SLIT2: variants seen among roughly 807,000 people sequenced by gnomAD.
The protein encoded by SLIT2 is slit homolog 2 protein.
SLIT2 carries 41 observed loss-of-function variants against 185.7 expected under a neutral mutation model. The observed-to-expected ratio is 0.22, with a 90% CI of 0.17 to 0.29. The LOEUF (loss-of-function observed/expected upper bound fraction) is 0.29, where lower values mean the gene tolerates loss of function less well. Ranked by LOEUF, SLIT2 falls within the 10% of genes least tolerant of loss-of-function variation. The pLI is 1.00. For synonymous variants in SLIT2, 693 were observed against 680.2 expected (o/e 1.02, Z -0.29); for missense variants, 1,571 against 1,909.0 (o/e 0.82, Z 3.30).
intron 33 of SLIT2, among the ~76,000 whole-genome samples, chr4:20,607,125 G>A (rs1728850225): frequency 6.6e-6 from 1 of 152,132 alleles, no homozygotes; most frequent in Admixed American, 6.6e-5. Context: ...CTGGCCCTTA[G>A]TATGTGATAT....
chr4:20,472,279 T>TAG (rs1715199611), intron 5 of SLIT2, among the ~76,000 whole-genome samples: 2 of 22,552 alleles, frequency 8.9e-5, no homozygotes, highest in African/African-American at 5.6e-4. Context: ...TATATATCTA[T>TAG]ATATATAGAT....
chr4:20,474,616 T>C (rs1031679070), intron 5 of SLIT2, among the ~76,000 whole-genome samples: 17 of 152,134 alleles, frequency 1.1e-4, no homozygotes, highest in African/African-American at 4.1e-4. Context: ...TGAATTGGCA[T>C]AATCATGCCA....
At chr4:20,501,286 A>AT (rs1718705848) in intron 9 of SLIT2, among the ~76,000 whole-genome samples, 3 of 151,734 alleles carry the variant, frequency 2.0e-5, no homozygotes, top group Non-Finnish European at 4.4e-5. Context: ...TCTCATGTTA[A>AT]TTTTTTTTGG....
intron 4 of SLIT2, among the ~76,000 whole-genome samples, chr4:20,445,168 G>A (rs1458520168): frequency 2.6e-5 from 4 of 152,050 alleles, no homozygotes; most frequent in Non-Finnish European, 5.9e-5. Context: ...ACCCAACCCT[G>A]TTATTAAATT....
chr4:20,470,819 A>G (rs188630170), intron 5 of SLIT2, among the ~76,000 whole-genome samples: 18 of 151,986 alleles, frequency 1.2e-4, no homozygotes, highest in African/African-American at 4.1e-4. Flanking sequence ...CAGATGATCC[A>G]CCCGCGTTGG....
At chr4:20,307,130 C>CCCTT (rs1363373393) in intron 4 of SLIT2, among the ~76,000 whole-genome samples, 1 of 61,894 alleles carries the variant, frequency 1.6e-5, no homozygotes, top group African/African-American at 7.2e-5. Flanking sequence ...TCCCTTCCCT[C>CCCTT]CCTTCCTCCC....
chr4:20,612,272 A>G (rs1481516937), intron 34 of SLIT2, among the ~76,000 whole-genome samples: 2 of 150,622 alleles, frequency 1.3e-5, no homozygotes, highest in Admixed American at 6.6e-5. Context: ...AGAATACAGG[A>G]TGAGACTGTT....
At chr4:20,472,317 T>TATATGG (rs1715254062) in intron 5 of SLIT2, among the ~76,000 whole-genome samples, 1 of 32,048 alleles carries the variant, frequency 3.1e-5, no homozygotes, top group Non-Finnish European at 4.8e-5. Context: ...TATATATAGA[T>TATATGG]ATATATATCT....
At chr4:20,334,238 C>T (rs540393681) in intron 4 of SLIT2, among the ~76,000 whole-genome samples, 40 of 152,184 alleles carry the variant, frequency 2.6e-4, no homozygotes, top group Middle Eastern at 3.4e-3. Flanking sequence ...GACTTTTGCA[C>T]CCCCAAGAAC....
rs139614856 is a variant in SLIT2 at position 20,408,136 on chromosome 4, G to A, written c.396-59616G>A. 4.0e-3 allele frequency among the ~76,000 whole-genome samples: 606 copies of A among 152,144 alleles called. 3 individuals are homozygous for A. Among genetic ancestry groups the A allele is most frequent in the African/African-American group, 0.013 (546 of 41,498 alleles). ...AGTGAGTTGTATGCTTAATATTAAC[G>A]GGTTTTACTCATTTGTTTAACAGAG... On this transcript the variant is annotated intron_variant, in intron 4 of 36. Transcript: ENST00000504154.
chr4:20,598,687 A>T (rs1728169752), intron 33 of SLIT2, among the ~76,000 whole-genome samples: 1 of 152,096 alleles, frequency 6.6e-6, no homozygotes, highest in African/African-American at 2.4e-5. Context: ...TGCCTGAAGG[A>T]TCAAGAGGAG....
At chr4:20,488,762 T>C in intron 7 of SLIT2, 57 bp from the exon 8 acceptor site, 1 of 1,285,942 alleles carries the variant, frequency 7.8e-7, no homozygotes, top group Non-Finnish European at 1.1e-6. Flanking sequence ...CAGGTATATA[T>C]TAATGAAATA....
At chr4:20,486,094 G>T in intron 6 of SLIT2, 106 bp from the exon 7 acceptor site, 1 of 695,590 alleles carries the variant, frequency 1.4e-6, no homozygotes. Context: ...CTACCAGGTA[G>T]CTGTCCTGCA....
intron 4 of SLIT2, among the ~76,000 whole-genome samples, chr4:20,443,764 A>C (rs1729949445): frequency 1.3e-5 from 2 of 152,084 alleles, no homozygotes; most frequent in African/African-American, 4.8e-5. Context: ...CTTGAAAGTA[A>C]ATGAGATAAC....
intron 5 of SLIT2, among the ~76,000 whole-genome samples, chr4:20,477,693 G>T (rs980875616): frequency 6.6e-6 from 1 of 152,160 alleles, no homozygotes; most frequent in African/African-American, 2.4e-5. Flanking sequence ...TCAGCTGAAG[G>T]TCTGAAATAA....
chr4:20,317,513 T>A (rs1718706580), intron 4 of SLIT2, among the ~76,000 whole-genome samples: 1 of 152,078 alleles, frequency 6.6e-6, no homozygotes, highest in Non-Finnish European at 1.5e-5. Flanking sequence ...GCAGTTTCAG[T>A]CAGACCTGAG....
rs755364949 is a variant in SLIT2, at chr4:20,488,799, C to A, written c.612-20C>A. 2 of 1,553,036 alleles carry A rather than the reference C, an allele frequency of 1.3e-6. No homozygotes were observed. The highest frequency in any genetic ancestry group is 2.3e-5 in the East Asian group (1 of 43,750). ...CGACTTTCTGTTTTCTTGCTTTACA[C>A]TTCTTTTTTTCTCATTTAGTCGACT... On this transcript the variant is annotated intron_variant, in intron 7 of 36. Coordinates refer to ENST00000504154, the MANE Select transcript of SLIT2 (RefSeq NM_004787.4).
chr4:20,408,251 A>G (rs894290297), intron 4 of SLIT2, among the ~76,000 whole-genome samples: 1 of 152,160 alleles, frequency 6.6e-6, no homozygotes, highest in Non-Finnish European at 1.5e-5. Context: ...TCATAACCAG[A>G]TGATAGGAGA....
chr4:20,260,558 A>G (rs1712344871), intron 3 of SLIT2, among the ~76,000 whole-genome samples: 2 of 151,788 alleles, frequency 1.3e-5, no homozygotes, highest in Non-Finnish European at 3.0e-5. Flanking sequence ...CATTTTGTGA[A>G]TATTTCATAG....
Sources: gnomAD v4.1 joint callset for allele counts (sites outside exome capture counted in the v4.1 genomes callset) on GRCh38, gnomAD v4.1.1 for gene constraint, MANE v1.5 for transcripts, NCBI Gene and HGNC (gene_info 2026-07-23, HGNC 2026-07-21) for gene names.